DACH1: variants seen among roughly 807,000 people sequenced by gnomAD.
DACH1 encodes the protein dachshund homolog 1.
A neutral mutation model predicts 54.2 loss-of-function variants in DACH1; 12 were observed. The observed-to-expected ratio is 0.22, with a 90% CI of 0.14 to 0.36. DACH1 has a LOEUF of 0.36. Among genes scored for constraint, DACH1 ranks in the 10% least tolerant of loss-of-function variants. The probability of loss-of-function intolerance (pLI) is 1.00; values close to 1 mark genes in which losing one functional copy is unlikely to be tolerated. For missense variants in DACH1, 805 were observed against 929.8 expected (o/e 0.87, Z 1.75); for synonymous variants, 386 against 366.2 (o/e 1.05, Z -0.62).
intron 4 of DACH1, 22 bp downstream of exon 4, chr13:71,572,818 A>T: frequency 6.2e-7 from 1 of 1,600,418 alleles, no homozygotes; most frequent in South Asian, 1.1e-5. Flanking sequence ...ATGCCAAAAT[A>T]ATTGTATAAA....
intron 6 of DACH1, among the ~76,000 whole-genome samples, chr13:71,534,859 T>C (rs1378612861): frequency 6.6e-6 from 1 of 151,838 alleles, no homozygotes; most frequent in Non-Finnish European, 1.5e-5. Flanking sequence ...CCCATTCAAG[T>C]AAAACTGTGC....
Position 71,832,549 on chromosome 13 carries a change from A to G in DACH1, c.848+33373T>C, listed in dbSNP as rs150968820. ...CATTCTTGTCAAAAAATGGCTGTAG[A>G]TGACTAAAACTGATGTTGAATATTC... On this transcript the variant is annotated intron_variant, in intron 1 of 10. Coordinates refer to ENST00000613252, the MANE Select transcript of DACH1 (RefSeq NM_080759.6). 9.0e-3 allele frequency among the ~76,000 whole-genome samples: 1,366 copies of G among 152,090 alleles called. 23 individuals are homozygous for G. Among genetic ancestry groups the G allele is most frequent in the African/African-American group, 0.031 (1,303 of 41,540 alleles).
chr13:71,815,284 A>G (rs1887865769), intron 1 of DACH1, among the ~76,000 whole-genome samples: 1 of 124,388 alleles, frequency 8.0e-6, no homozygotes. Flanking sequence ...ACTGTTTTCT[A>G]GGTGTGGGTT....
chr13:71,661,836 A>G (rs1396924724), intron 2 of DACH1, among the ~76,000 whole-genome samples: 1 of 151,988 alleles, frequency 6.6e-6, no homozygotes, highest in African/African-American at 2.4e-5. Context: ...TCATATTTGA[A>G]CCATTTTTTC....
At chr13:71,629,838 T>A (rs1310845450) in intron 3 of DACH1, among the ~76,000 whole-genome samples, 1 of 152,112 alleles carries the variant, frequency 6.6e-6, no homozygotes, top group Non-Finnish European at 1.5e-5. Context: ...AAAAAAATGT[T>A]TTGCCCCACA....
intron 1 of DACH1, among the ~76,000 whole-genome samples, chr13:71,817,371 G>A (rs1452657132): frequency 6.6e-6 from 1 of 152,118 alleles, no homozygotes; most frequent in Non-Finnish European, 1.5e-5. Flanking sequence ...CATCATTACA[G>A]CTCCACACAC....
intron 1 of DACH1, among the ~76,000 whole-genome samples, chr13:71,817,188 A>C (rs1887994031): frequency 6.6e-6 from 1 of 152,226 alleles, no homozygotes; most frequent in African/African-American, 2.4e-5. Flanking sequence ...AGAACTGGAA[A>C]TGACATTGAA....
At chr13:71,720,939 T>A (rs1475345424) in intron 1 of DACH1, among the ~76,000 whole-genome samples, 1 of 152,184 alleles carries the variant, frequency 6.6e-6, no homozygotes, top group Non-Finnish European at 1.5e-5. Flanking sequence ...AAGGAAAATG[T>A]AAATCTGCAT....
At chr13:71,728,354 C>T (rs956984346) in intron 1 of DACH1, among the ~76,000 whole-genome samples, 3 of 151,922 alleles carry the variant, frequency 2.0e-5, no homozygotes, top group African/African-American at 4.8e-5. Context: ...AAAACCTTAA[C>T]ATCTCAGGTT....
intron 3 of DACH1, among the ~76,000 whole-genome samples, chr13:71,593,225 A>T (rs1346559900): frequency 6.6e-6 from 1 of 152,152 alleles, no homozygotes; most frequent in East Asian, 1.9e-4. Context: ...GATGGTATAA[A>T]TGTTCAAACC....
intron 1 of DACH1, among the ~76,000 whole-genome samples, chr13:71,742,842 T>C (rs1884455309): frequency 6.6e-6 from 1 of 152,172 alleles, no homozygotes; most frequent in Non-Finnish European, 1.5e-5. Flanking sequence ...TGCCTTTATT[T>C]TTCTCTTGTT....
chr13:71,632,021 C>T (rs1877142980), intron 2 of DACH1, among the ~76,000 whole-genome samples: 1 of 151,440 alleles, frequency 6.6e-6, no homozygotes, highest in Admixed American at 6.6e-5. Context: ...TCAGTTGAGC[C>T]TAGGAGGTTG....
At chr13:71,701,243 C>T (rs910028018) in intron 1 of DACH1, among the ~76,000 whole-genome samples, 4 of 151,880 alleles carry the variant, frequency 2.6e-5, no homozygotes, top group Admixed American at 6.6e-5. Flanking sequence ...AGTCAATAAA[C>T]ATAAATGGTT....
At chr13:71,448,276 T>G (rs111230012) in intron 10 of DACH1, among the ~76,000 whole-genome samples, 24 of 152,296 alleles carry the variant, frequency 1.6e-4, no homozygotes, top group Non-Finnish European at 3.2e-4. Context: ...AAGTTTAATA[T>G]TTACTTAAAG....
chr13:71,577,505 G>A (rs1156248205), intron 3 of DACH1, among the ~76,000 whole-genome samples: 1 of 152,166 alleles, frequency 6.6e-6, no homozygotes, highest in Non-Finnish European at 1.5e-5. Flanking sequence ...GGTTGTTCAT[G>A]GAGTCTGGAG....
chr13:71,780,470 C>A (rs1594212930), intron 1 of DACH1, among the ~76,000 whole-genome samples: 1 of 151,832 alleles, frequency 6.6e-6, no homozygotes, highest in East Asian at 1.9e-4. Flanking sequence ...ATATGCAGGG[C>A]ATTACAAATA....
chr13:71,573,663 C>T, intron 3 of DACH1: 1 of 438,452 alleles, frequency 2.3e-6, no homozygotes, highest in East Asian at 3.5e-5. Context: ...AAAAATGTAT[C>T]ACATTTGGAG....
intron 1 of DACH1, among the ~76,000 whole-genome samples, chr13:71,694,930 C>T (rs73523431): frequency 0.092 from 13,993 of 151,994 alleles, 1,799 homozygotes; most frequent in African/African-American, 0.29. Flanking sequence ...GATGGAAATA[C>T]TATTTCCATT....
chr13:71,633,310 T>C (rs1877239703), intron 2 of DACH1, among the ~76,000 whole-genome samples: 1 of 152,186 alleles, frequency 6.6e-6, no homozygotes, highest in African/African-American at 2.4e-5. Context: ...ATGTGAGGAA[T>C]GCCACATCAT....
Sources: allele counts gnomAD v4.1 joint callset (sites outside exome capture counted in the v4.1 genomes callset), GRCh38; gene constraint gnomAD v4.1.1; transcripts MANE v1.5; gene names NCBI Gene and HGNC (gene_info 2026-07-23, HGNC 2026-07-21).